The following UBE2E3 variants were observed in gnomAD, a reference collection of about 807,000 sequenced individuals.
UBE2E3 encodes ubiquitin conjugating enzyme E2 E3.
UBE2E3 carries 5 observed loss-of-function variants against 23.6 expected under a neutral mutation model. That is an observed-to-expected ratio of 0.21 (90% CI 0.11 to 0.44). UBE2E3 has a LOEUF of 0.44. UBE2E3 is among the 20% of genes least tolerant of loss of function. The pLI is 0.99. For synonymous variants in UBE2E3, 78 were observed against 87.5 expected (o/e 0.89, Z 0.60); for missense variants, 81 against 249.8 (o/e 0.32, Z 4.55).
chr2:180,995,708 A>G (rs1684804234), intron 3 of UBE2E3, among the ~76,000 whole-genome samples: 2 of 148,394 alleles, frequency 1.3e-5, no homozygotes, highest in African/African-American at 2.5e-5. Flanking sequence ...TTTGGGAGTT[A>G]GATCAAGAGG....
intron 3 of UBE2E3, among the ~76,000 whole-genome samples, chr2:181,040,278 G>C (rs893762560): frequency 6.6e-5 from 10 of 152,138 alleles, no homozygotes; most frequent in African/African-American, 2.4e-4. Flanking sequence ...TCCTTCCACG[G>C]GACATTGACC....
chr2:180,984,841 T>G (rs143768754), intron 3 of UBE2E3, among the ~76,000 whole-genome samples: 67 of 152,262 alleles, frequency 4.4e-4, no homozygotes, highest in African/African-American at 1.4e-3. Context: ...TTCATTTCAT[T>G]TGTATAGCGC....
chr2:181,050,011 A>G (rs1298457133), intron 3 of UBE2E3, among the ~76,000 whole-genome samples: 1 of 151,998 alleles, frequency 6.6e-6, no homozygotes, highest in Non-Finnish European at 1.5e-5. Flanking sequence ...TCTTACTTTC[A>G]GGCATCACAG....
chr2:181,054,696 A>G (rs139538417), intron 3 of UBE2E3, among the ~76,000 whole-genome samples: 149 of 151,936 alleles, frequency 9.8e-4, no homozygotes, highest in African/African-American at 3.2e-3. Flanking sequence ...TTCTCTTGAC[A>G]TTGTCTTGCA....
chr2:181,023,465 A>G lies in UBE2E3; in HGVS notation c.246-34228A>G, dbSNP rs530618488. On this transcript the variant is annotated intron_variant, in intron 3 of 5. Transcript: ENST00000410062. ...ACAAATACTTAAAATTAATGCTTTC[A>G]CCTTTCATTTGATAATAAGGAGTTT... is the stretch of plus-strand genomic sequence containing the variant. Among the ~76,000 whole-genome samples, 9 of 152,252 alleles carry G rather than the reference A, an allele frequency of 5.9e-5. No individual in the cohort carries two copies. The South Asian group carries it at 1.9e-3, about 32-fold the overall frequency.
In UBE2E3 at chr2:181,059,538, T is replaced by C. The variant is rs771927811; in HGVS notation, c.379-1127T>C. On this transcript the variant is annotated intron_variant, in intron 4 of 5. Coordinates refer to ENST00000410062, the MANE Select transcript of UBE2E3 (RefSeq NM_006357.4). Reference sequence around the variant, plus strand: ...ATACTATATTAGTTAACCCAACATATTAAAAATATTGTCATTTCAACATGT... The same window carrying C: ...ATACTATATTAGTTAACCCAACATACTAAAAATATTGTCATTTCAACATGT... 3.3e-5 allele frequency among the ~76,000 whole-genome samples: 5 copies of C among 151,778 alleles called. No individual in the cohort carries two copies. In the South Asian group the frequency reaches 6.2e-4, roughly 19 times the overall value.
chr2:181,041,704 G>A (rs1013407296), intron 3 of UBE2E3, among the ~76,000 whole-genome samples: 3 of 57,706 alleles, frequency 5.2e-5, no homozygotes, highest in African/African-American at 2.5e-4. Context: ...CCAGAGTGCT[G>A]GGATTGATTA....
In UBE2E3 at chr2:181,015,418, A is replaced by C. The variant is rs112830148; in HGVS notation, c.245+31325A>C. Among the ~76,000 whole-genome samples the C allele has an allele frequency of 2.0e-4, 31 of 152,250 alleles. 2 individuals carry two copies. Among genetic ancestry groups the C allele is most frequent in the African/African-American group, 7.0e-4 (29 of 41,554 alleles). ...ATAACTACAGTGTTTACTGAGACAA[A>C]GTAGGGATAGATGATAGTACTTAAT... On this transcript the variant is annotated intron_variant, in intron 3 of 5. Coordinates refer to ENST00000410062, the MANE Select transcript of UBE2E3 (RefSeq NM_006357.4).
chr2:181,008,571 C>G (rs1685221322), intron 3 of UBE2E3, among the ~76,000 whole-genome samples: 1 of 152,178 alleles, frequency 6.6e-6, no homozygotes, highest in South Asian at 2.1e-4. Flanking sequence ...GGGAATGTTT[C>G]CCTGTTCCAA....
rs150209862 is a variant in UBE2E3 at position 180,984,026 on chromosome 2, T to G, written c.195-17T>G. On this transcript the variant is annotated splice_polypyrimidine_tract_variant and intron_variant, in intron 2 of 5. Transcript: ENST00000410062. Reference sequence around the variant, plus strand: ...ACTATATCAAATCCTTTTTGTCTCTTCTCATTTCACTAACAGAATTCAGAA... The same window carrying G: ...ACTATATCAAATCCTTTTTGTCTCTGCTCATTTCACTAACAGAATTCAGAA... The G allele has an allele frequency of 4.9e-4, 794 of 1,606,730 alleles. 4 individuals are homozygous for G. The African/African-American group carries it at 9.7e-3, about 20-fold the overall frequency.
chr2:180,999,643 C>CA (rs906885693), intron 3 of UBE2E3, among the ~76,000 whole-genome samples: 14 of 149,732 alleles, frequency 9.4e-5, no homozygotes, highest in Admixed American at 3.3e-4. Flanking sequence ...CCACCCCTCC[C>CA]AAAAAAAAAG....
chr2:181,014,734 T>C (rs557866440), intron 3 of UBE2E3, among the ~76,000 whole-genome samples: 6 of 152,270 alleles, frequency 3.9e-5, no homozygotes, highest in Non-Finnish European at 8.8e-5. Flanking sequence ...TTTATTGATA[T>C]AGTTATACAT....
chr2:181,014,132 G>A (rs114752974), intron 3 of UBE2E3, among the ~76,000 whole-genome samples: 2,215 of 152,282 alleles, frequency 0.015, 59 homozygotes, highest in African/African-American at 0.05. Context: ...TCTGACGTAA[G>A]TATTAAATGC....
At chr2:181,026,218 A>G (rs1474183689) in intron 3 of UBE2E3, among the ~76,000 whole-genome samples, 3 of 151,946 alleles carry the variant, frequency 2.0e-5, no homozygotes, top group Admixed American at 6.6e-5. Context: ...TGAAGCTAAT[A>G]CTTTAGATAT....
chr2:181,035,207 G>A (rs1686230443), intron 3 of UBE2E3, among the ~76,000 whole-genome samples: 1 of 152,082 alleles, frequency 6.6e-6, no homozygotes, highest in Non-Finnish European at 1.5e-5. Context: ...TGTAAAAAGT[G>A]AAACCTACAA....
intron 3 of UBE2E3, among the ~76,000 whole-genome samples, chr2:181,019,285 G>C (rs1485063409): frequency 6.6e-6 from 1 of 152,202 alleles, no homozygotes; most frequent in Non-Finnish European, 1.5e-5. Context: ...TGAGAATACG[G>C]GTCCCTGAAA....
chr2:180,980,920 C>G lies in UBE2E3; in HGVS notation c.-79C>G, dbSNP rs1215263191. The G allele has an allele frequency of 1.4e-5, 2 of 144,408 alleles. No individual in the cohort carries two copies. Among genetic ancestry groups the G allele is most frequent in the Non-Finnish European group, 3.1e-5 (2 of 65,318 alleles). The allele number at this position is 144,408 out of a possible 1,614,324, so 8.9% of individuals were successfully genotyped here. A position where few individuals can be genotyped will look rare whatever the true frequency, so the allele number is the denominator to read the frequency against. ...TTTCCTTAAGGAAGGGTTTTTTTCT[C>G]TCTCCCTCCCCCACACCGTAGCGGC... On this transcript the variant is annotated 5_prime_UTR_variant, in exon 1 of 6. Transcript: ENST00000410062. This position sits in a 1 kb window ranked among gnomAD's most constrained non-coding sequence, Gnocchi z 5.5.
At chr2:181,052,275 C>CA (rs1469040943) in intron 3 of UBE2E3, among the ~76,000 whole-genome samples, 2 of 151,710 alleles carry the variant, frequency 1.3e-5, no homozygotes, top group Admixed American at 1.3e-4. Flanking sequence ...CAGGGGTGTC[C>CA]AGGGGAAAGA....
intron 3 of UBE2E3, among the ~76,000 whole-genome samples, chr2:181,034,670 G>A (rs1686210818): frequency 1.4e-5 from 2 of 146,998 alleles, no homozygotes; most frequent in African/African-American, 4.9e-5. Context: ...AGAACTTAAA[G>A]TATAATAAAA....
Sources: gnomAD v4.1 joint callset for allele counts (sites outside exome capture counted in the v4.1 genomes callset) on GRCh38, gnomAD v4.1.1 for gene constraint, Gnocchi (gnomAD v3.1) non-coding constraint, MANE v1.5 for transcripts, NCBI Gene and HGNC (gene_info 2026-07-23, HGNC 2026-07-21) for gene names.